KHDC1: variants seen among roughly 807,000 people sequenced by gnomAD.
KHDC1 encodes KH homology domain-containing protein 1.
A neutral mutation model predicts 24.7 loss-of-function variants in KHDC1; 21 were observed. The ratio of observed to expected loss-of-function variants is 0.85; its 90% CI spans 0.60 to 1.23. KHDC1 has a LOEUF of 1.23. Among genes scored for constraint, KHDC1 ranks in the 50% most tolerant of loss-of-function variants. The pLI, the probability that KHDC1 is intolerant of heterozygous loss-of-function variation, is 0.00. For synonymous variants in KHDC1, 98 were observed against 111.7 expected (o/e 0.88, Z 0.77); for missense variants, 274 against 298.5 (o/e 0.92, Z 0.61).
chr6:73,268,876 TC>T (rs1767126796), intron 2 of KHDC1: 1 of 153,516 alleles, frequency 6.5e-6, no homozygotes, highest in Non-Finnish European at 1.4e-5. Flanking sequence ...GCGGTCGCAC[TC>T]CTCAGCCCTT....
At chr6:73,251,771 A>T (rs1766780132) in intron 2 of KHDC1, among the ~76,000 whole-genome samples, 1 of 151,328 alleles carries the variant, frequency 6.6e-6, no homozygotes, top group Admixed American at 6.6e-5. Flanking sequence ...TTTTTAAAAA[A>T]TTCTTTTTTT....
exon 1 of KHDC1, chr6:73,309,605 G>T: frequency 6.5e-7 from 1 of 1,547,002 alleles, no homozygotes; most frequent in South Asian, 1.2e-5. Flanking sequence ...CAGGAGCATC[G>T]CAAGGGTCTG....
chr6:73,290,525 C>A, intron 2 of KHDC1: 1 of 392,734 alleles, frequency 2.5e-6, no homozygotes, highest in Non-Finnish European at 5.0e-6. Context: ...TTTTTTTTTT[C>A]TAACAAGATC....
chr6:73,258,289 T>C (rs1175855127), intron 2 of KHDC1, among the ~76,000 whole-genome samples: 2 of 151,848 alleles, frequency 1.3e-5, no homozygotes, highest in African/African-American at 2.4e-5. Flanking sequence ...TAAGTAGTAA[T>C]TAAGCAAGCC....
At chr6:73,288,309 T>C (rs1456030101) in intron 2 of KHDC1, among the ~76,000 whole-genome samples, 4 of 152,192 alleles carry the variant, frequency 2.6e-5, no homozygotes, top group Non-Finnish European at 4.4e-5. Context: ...CTTCCATCCC[T>C]ATCAGAAAAG....
rs529171119 is a variant in KHDC1 at position 73,309,525 on chromosome 6, C to T, written c.163+27G>A. The T allele has an allele frequency of 3.7e-5, 55 of 1,490,036 alleles. No homozygotes were observed. In the South Asian group the frequency reaches 7.0e-4, roughly 19 times the overall value. The allele number at this position is 1,490,036 out of a possible 1,614,324, so 92.3% of individuals were successfully genotyped here. A position where few individuals can be genotyped will look rare whatever the true frequency, so the allele number is the denominator to read the frequency against. On this transcript the variant is annotated intron_variant, in intron 1 of 4. Coordinates refer to ENST00000370384, the Ensembl canonical transcript of KHDC1. ...GGGCACCTGGGTGAAGGAAGCTTTT[C>T]CTACCAGGGCCCCTAAAGCCACTCA...
intron 2 of KHDC1, among the ~76,000 whole-genome samples, chr6:73,245,369 T>A (rs1766647997): frequency 6.6e-6 from 1 of 152,240 alleles, no homozygotes; most frequent in Non-Finnish European, 1.5e-5. Context: ...ATCTTCAGAT[T>A]TCTAGTCATG....
intron 1 of KHDC1, among the ~76,000 whole-genome samples, chr6:73,307,996 G>A (rs551220620): frequency 3.3e-5 from 5 of 151,826 alleles, no homozygotes; most frequent in Admixed American, 1.3e-4. Flanking sequence ...TCTGCCTCCC[G>A]GGCTCAAGCG....
intron 2 of KHDC1, among the ~76,000 whole-genome samples, chr6:73,288,293 T>G (rs1467858155): frequency 6.6e-6 from 1 of 152,206 alleles, no homozygotes; most frequent in Non-Finnish European, 1.5e-5. Context: ...GAGAAGTAAG[T>G]ATTCTCTTCC....
chr6:73,306,177 C>T (rs1767958707), intron 1 of KHDC1, among the ~76,000 whole-genome samples: 2 of 152,008 alleles, frequency 1.3e-5, no homozygotes, highest in South Asian at 4.2e-4. Context: ...CCCTTCCTGC[C>T]TCCTGCTCCT....
At chr6:73,309,017 G>T (rs1768027407) in intron 1 of KHDC1, among the ~76,000 whole-genome samples, 2 of 152,124 alleles carry the variant, frequency 1.3e-5, no homozygotes, top group African/African-American at 2.4e-5. Flanking sequence ...GTAGAGATGG[G>T]TTTCACCATG....
chr6:73,286,125 C>T (rs1767514537), intron 2 of KHDC1, among the ~76,000 whole-genome samples: 1 of 152,124 alleles, frequency 6.6e-6, no homozygotes, highest in South Asian at 2.1e-4. Flanking sequence ...AACTCTACAC[C>T]CATTCCCAGC....
At chr6:73,280,514 C>CT (rs55832102) in intron 2 of KHDC1, among the ~76,000 whole-genome samples, 1,187 of 117,418 alleles carry the variant, frequency 0.01, 10 homozygotes, top group East Asian at 0.016. Flanking sequence ...TCTTTAATTT[C>CT]TTTTTTTTTT....
At chr6:73,274,939 C>G (rs899408886) in intron 2 of KHDC1, 5 of 152,818 alleles carry the variant, frequency 3.3e-5, no homozygotes, top group Admixed American at 6.5e-5. Context: ...CTGAGGGAGC[C>G]AATTAGCGGG....
chr6:73,270,825 G>C (rs1354185678), intron 2 of KHDC1, among the ~76,000 whole-genome samples: 1 of 151,770 alleles, frequency 6.6e-6, no homozygotes, highest in African/African-American at 2.4e-5. Context: ...CGAGTAGCTG[G>C]GACTACAGGC....
At chr6:73,263,148 G>A in intron 2 of KHDC1, 6 of 988,370 alleles carry the variant, frequency 6.1e-6, no homozygotes, top group Non-Finnish European at 6.0e-6. Flanking sequence ...GACCCTTCCA[G>A]GGGTCCCGGC....
At chr6:73,279,460 C>T (rs140923274) in intron 2 of KHDC1, among the ~76,000 whole-genome samples, 272 of 152,010 alleles carry the variant, frequency 1.8e-3, no homozygotes, top group Non-Finnish European at 3.1e-3. Context: ...GTATATAAAT[C>T]TCTCTATATG....
rs1209337779 is a variant in KHDC1 at position 73,242,360 on chromosome 6, T to G, written c.331+46A>C. The G allele has an allele frequency of 2.5e-6, 4 of 1,613,176 alleles. No homozygotes were observed. In the Admixed American group the frequency reaches 5.0e-5, roughly 20 times the overall value. On this transcript the variant is annotated intron_variant, in intron 3 of 4. Transcript: ENST00000370384. ...GGGAGGGGAGAGGAAGAGTGAAAAC[T>G]GAGAAGACAAGGATGAAGAAGGGGA...
chr6:73,292,315 G>A (rs1296166302), intron 1 of KHDC1: 23 of 1,000,194 alleles, frequency 2.3e-5, no homozygotes, highest in South Asian at 6.3e-5. Flanking sequence ...ACTACCTGGC[G>A]GACAAGCATG....
Sources: allele counts gnomAD v4.1 joint callset (sites outside exome capture counted in the v4.1 genomes callset), GRCh38; gene constraint gnomAD v4.1.1; transcripts MANE v1.5; gene names NCBI Gene and HGNC (gene_info 2026-07-23, HGNC 2026-07-21).